MAP2K6: variants seen among roughly 807,000 people sequenced by gnomAD.
The protein encoded by MAP2K6 is mitogen-activated protein kinase kinase 6, also known as dual specificity mitogen-activated protein kinase kinase 6.
In MAP2K6, 16 loss-of-function variants were observed where a neutral mutation model predicts 53.7. That is an observed-to-expected ratio of 0.30 (90% CI 0.20 to 0.45). The LOEUF (loss-of-function observed/expected upper bound fraction) is 0.45. Ranked by LOEUF, MAP2K6 falls within the 20% of genes least tolerant of loss-of-function variation. The pLI is 1.00. For synonymous variants in MAP2K6, 132 were observed against 143.1 expected, an observed-to-expected ratio of 0.92 and a Z score of 0.55; for missense variants, 204 against 411.9, an observed-to-expected ratio of 0.50 and a Z score of 4.37.
At chr17:69,481,491 C>A (rs1908349679) in intron 1 of MAP2K6, among the ~76,000 whole-genome samples, 1 of 152,008 alleles carries the variant, frequency 6.6e-6, no homozygotes, top group African/African-American at 2.4e-5. Flanking sequence ...TCCTTGAGAC[C>A]CGTGTGTTAG....
intron 1 of MAP2K6, among the ~76,000 whole-genome samples, chr17:69,450,933 A>G (rs1907203249): frequency 6.6e-6 from 1 of 152,088 alleles, no homozygotes; most frequent in African/African-American, 2.4e-5. Flanking sequence ...GTGAAATGGG[A>G]TGGGTGGAGG....
rs1434810465 is a variant in MAP2K6 at position 69,521,141 on chromosome 17, G to A, written c.535+41G>A. The A allele has an allele frequency of 3.8e-6, 6 of 1,581,484 alleles. No homozygotes were observed. In the African/African-American group the frequency reaches 5.4e-5, roughly 14 times the overall value. On this transcript the variant is annotated intron_variant, in intron 7 of 11. Transcript: ENST00000590474. ...CTGCCTTGGCTGTTCCTTTGATAAAGTTCATCTCTTTCACCTGGAGTCCGT... is the reference window on the plus strand; with the variant it reads ...CTGCCTTGGCTGTTCCTTTGATAAAATTCATCTCTTTCACCTGGAGTCCGT...
chr17:69,546,872 A>G lies in MAP2K6; in HGVS notation c.*5119A>G, dbSNP rs908635543. The G allele has an allele frequency of 6.6e-6, 1 of 151,936 alleles. No homozygotes were observed. Among genetic ancestry groups the G allele is most frequent in the Non-Finnish European group, 1.5e-5 (1 of 67,978 alleles). The allele number at this position is 151,936 out of a possible 1,614,324, so 9.4% of individuals were successfully genotyped here. A position where few individuals can be genotyped will look rare whatever the true frequency, so the allele number is the denominator to read the frequency against. On this transcript the variant is annotated 3_prime_UTR_variant, in exon 12 of 12. Coordinates refer to ENST00000590474, the MANE Select transcript of MAP2K6 (RefSeq NM_002758.4). ...ACTTTTTTTTTTTTTAACTTTTCAAATGGAAGGTGCAGTTTTCAATTAGGC... is the reference window on the plus strand; with the variant it reads ...ACTTTTTTTTTTTTTAACTTTTCAAGTGGAAGGTGCAGTTTTCAATTAGGC...
chr17:69,509,338 GT>G lies in MAP2K6; in HGVS notation c.83+3500del, dbSNP rs566705484. On this transcript the variant is annotated intron_variant, in intron 2 of 11. Transcript: ENST00000590474. ...AGATTTTGTTAAAATTTATACCTAA[GT>G]TTTTTTTGGAGCAAATTTTAAGTGG... 4.7e-4 allele frequency among the ~76,000 whole-genome samples: 72 copies of G among 151,976 alleles called. No homozygotes were observed. The South Asian group carries it at 7.7e-3, about 16-fold the overall frequency.
intron 2 of MAP2K6, among the ~76,000 whole-genome samples, chr17:69,512,918 A>G (rs2715823): frequency 0.52 from 79,794 of 152,030 alleles, 22,151 homozygotes; most frequent in African/African-American, 0.71. Flanking sequence ...AATAATTATC[A>G]TACTAAACCG....
At chr17:69,520,682 T>C in intron 6 of MAP2K6, 1 of 376,874 alleles carries the variant, frequency 2.7e-6, no homozygotes. Flanking sequence ...TTGATTTTCA[T>C]TTATGGATTT....
chr17:69,417,380 C>T (rs1048403036), intron 1 of MAP2K6, among the ~76,000 whole-genome samples: 15 of 152,096 alleles, frequency 9.9e-5, no homozygotes, highest in Non-Finnish European at 1.9e-4. Context: ...CTTTCTAGAT[C>T]ACTATAATTC....
chr17:69,483,839 G>T (rs946907189), intron 1 of MAP2K6, among the ~76,000 whole-genome samples: 1 of 152,056 alleles, frequency 6.6e-6, no homozygotes, highest in Admixed American at 6.6e-5. Context: ...AGACAATTCA[G>T]GGGGAAAGGA....
intron 1 of MAP2K6, among the ~76,000 whole-genome samples, chr17:69,500,708 A>T (rs903075906): frequency 6.0e-5 from 9 of 151,112 alleles, no homozygotes; most frequent in African/African-American, 2.2e-4. Context: ...GTGAGCTGAC[A>T]TTGTGCCACT....
chr17:69,466,111 TAAAA>T (rs143017970), intron 1 of MAP2K6, among the ~76,000 whole-genome samples: 3 of 135,994 alleles, frequency 2.2e-5, no homozygotes, highest in Non-Finnish European at 3.1e-5. Flanking sequence ...CATCAGTACT[TAAAA>T]AAAAAAAAAA....
chr17:69,510,532 G>A (rs1056802260), intron 2 of MAP2K6, among the ~76,000 whole-genome samples: 2 of 152,054 alleles, frequency 1.3e-5, no homozygotes, highest in African/African-American at 2.4e-5. Context: ...TATAATATTG[G>A]TGCTAATTAT....
At chr17:69,536,038 C>T (rs188118221) in intron 10 of MAP2K6, 77 bp from the exon 11 acceptor site, 38 of 928,386 alleles carry the variant, frequency 4.1e-5, no homozygotes, top group Non-Finnish European at 6.1e-5. Context: ...GTTTAGTGTT[C>T]TACAGGTTCT....
At chr17:69,537,655 T>C (rs1444214299) in intron 11 of MAP2K6, among the ~76,000 whole-genome samples, 1 of 152,184 alleles carries the variant, frequency 6.6e-6, no homozygotes, top group Non-Finnish European at 1.5e-5. Flanking sequence ...TAAGCTTTGA[T>C]TGAAGATTGA....
At chr17:69,517,118 T>G (rs1446142204) in intron 3 of MAP2K6, among the ~76,000 whole-genome samples, 1 of 151,478 alleles carries the variant, frequency 6.6e-6, no homozygotes, top group African/African-American at 2.4e-5. Flanking sequence ...TTGAATAGAG[T>G]AGATGGTTCT....
chr17:69,429,972 G>C (rs1265413593), intron 1 of MAP2K6, among the ~76,000 whole-genome samples: 1 of 152,182 alleles, frequency 6.6e-6, no homozygotes, highest in Non-Finnish European at 1.5e-5. Flanking sequence ...GAACAGGTGA[G>C]CAGCAGAGGC....
chr17:69,540,313 T>G (rs1911552266), intron 11 of MAP2K6, among the ~76,000 whole-genome samples: 1 of 152,168 alleles, frequency 6.6e-6, no homozygotes, highest in African/African-American at 2.4e-5. Context: ...ATGCTTACAT[T>G]TAGCTACTCA....
In MAP2K6 at chr17:69,552,801, A is replaced by G. The variant is rs1384633717; in HGVS notation, c.*11048A>G. Reference sequence around the variant, plus strand: ...TTTGCCTGTTGGCTTTGGTGGCTCCAAACATTTTCATTTTAGGCTAGCTTT... The same window carrying G: ...TTTGCCTGTTGGCTTTGGTGGCTCCGAACATTTTCATTTTAGGCTAGCTTT... On this transcript the variant is annotated 3_prime_UTR_variant, in exon 12 of 12. Transcript: ENST00000590474. The G allele has an allele frequency of 6.6e-6, 1 of 152,160 alleles. No individual in the cohort carries two copies. Among genetic ancestry groups the G allele is most frequent in the Middle Eastern group, 3.2e-3 (1 of 316 alleles). The allele number at this position is 152,160 out of a possible 1,614,324, so 9.4% of individuals were successfully genotyped here. A position where few individuals can be genotyped will look rare whatever the true frequency, so the allele number is the denominator to read the frequency against.
chr17:69,483,465 T>G (rs1201447981), intron 1 of MAP2K6, among the ~76,000 whole-genome samples: 1 of 152,050 alleles, frequency 6.6e-6, no homozygotes, highest in Non-Finnish European at 1.5e-5. Context: ...TCTAAATAAA[T>G]GCAAAGGCGT....
chr17:69,538,351 C>A (rs1440888748), intron 11 of MAP2K6, among the ~76,000 whole-genome samples: 1 of 152,192 alleles, frequency 6.6e-6, no homozygotes, highest in African/African-American at 2.4e-5. Flanking sequence ...TATGTTCTAA[C>A]CCTGTGATAT....
Sources: gnomAD v4.1 joint callset for allele counts (sites outside exome capture counted in the v4.1 genomes callset) on GRCh38, gnomAD v4.1.1 for gene constraint, MANE v1.5 for transcripts, NCBI Gene and HGNC (gene_info 2026-07-23, HGNC 2026-07-21) for gene names.